Variants in NKAIN2 observed in about 807,000 individuals in gnomAD.
NKAIN2 encodes sodium/potassium-transporting ATPase subunit beta-1-interacting protein 2.
Under a neutral mutation model 32.6 loss-of-function variants are expected in NKAIN2, and 14 were observed. That is an observed-to-expected ratio of 0.43 (90% CI 0.28 to 0.67). NKAIN2 has a LOEUF of 0.67. Ranked by LOEUF, NKAIN2 falls within the 30% of genes least tolerant of loss-of-function variation. The pLI, the probability that NKAIN2 is intolerant of heterozygous loss-of-function variation, is 0.17. For synonymous variants in NKAIN2, 80 were observed against 87.2 expected (o/e 0.92, Z 0.46); for missense variants, 198 against 258.3 (o/e 0.77, Z 1.60).
intron 4 of NKAIN2, among the ~76,000 whole-genome samples, chr6:124,770,945 A>G (rs1778726451): frequency 6.6e-6 from 1 of 152,232 alleles, no homozygotes; most frequent in Admixed American, 6.5e-5. Context: ...AGAAAATTGT[A>G]AAGAAAAGAG....
chr6:124,189,693 T>A (rs1182466915), intron 1 of NKAIN2, among the ~76,000 whole-genome samples: 2 of 151,944 alleles, frequency 1.3e-5, no homozygotes, highest in East Asian at 1.9e-4. Context: ...AAAATAAAAA[T>A]AAAAAATAAA....
At chr6:124,817,036 G>A (rs180781853) in intron 5 of NKAIN2, among the ~76,000 whole-genome samples, 6 of 152,274 alleles carry the variant, frequency 3.9e-5, no homozygotes, top group Admixed American at 3.9e-4. Flanking sequence ...CAGGCACAGA[G>A]GGGATGGCTT....
At chr6:124,039,738 G>A (rs1781780951) in intron 1 of NKAIN2, among the ~76,000 whole-genome samples, 1 of 151,670 alleles carries the variant, frequency 6.6e-6, no homozygotes, top group Admixed American at 6.6e-5. Context: ...TATTTTTATT[G>A]TTTATCTTAG....
At position 124,126,469 on chromosome 6, in the gene NKAIN2, A is replaced by G. The variant is rs373937068; in HGVS notation, c.55-156536A>G. ...TCTAAAACTTTCACAAACTTTCATC[A>G]TCACATTTAAACATCTATCTGCAAC... On this transcript the variant is annotated intron_variant, in intron 1 of 6. Coordinates refer to ENST00000368417, the MANE Select transcript of NKAIN2 (RefSeq NM_001040214.3). 7.0e-4 allele frequency among the ~76,000 whole-genome samples: 106 copies of G among 152,304 alleles called. No individual in the cohort carries two copies. In the East Asian group the frequency reaches 7.5e-3, roughly 11 times the overall value.
At chr6:124,441,930 G>A (rs942963534) in intron 3 of NKAIN2, among the ~76,000 whole-genome samples, 1 of 151,498 alleles carries the variant, frequency 6.6e-6, no homozygotes, top group African/African-American at 2.4e-5. Context: ...AGTTGATGAG[G>A]GCAGTAACTA....
At chr6:124,211,852 A>G (rs766023042) in intron 1 of NKAIN2, among the ~76,000 whole-genome samples, 13 of 152,040 alleles carry the variant, frequency 8.6e-5, no homozygotes, top group Non-Finnish European at 1.6e-4. Flanking sequence ...AAATAGTGCC[A>G]ATTATACAAA....
intron 1 of NKAIN2, among the ~76,000 whole-genome samples, chr6:123,946,535 T>C (rs1777072358): frequency 1.3e-5 from 2 of 152,288 alleles, no homozygotes; most frequent in African/African-American, 4.8e-5. Flanking sequence ...TCAGATGATT[T>C]GCTTTTTAAA....
At chr6:124,124,379 A>G (rs1201263636) in intron 1 of NKAIN2, among the ~76,000 whole-genome samples, 1 of 152,146 alleles carries the variant, frequency 6.6e-6, no homozygotes, top group South Asian at 2.1e-4. Flanking sequence ...CACAGCATTA[A>G]TGGGAAATTG....
chr6:124,118,484 C>A (rs954413585), intron 1 of NKAIN2, among the ~76,000 whole-genome samples: 1 of 151,950 alleles, frequency 6.6e-6, no homozygotes, highest in East Asian at 1.9e-4. Flanking sequence ...ACTAATACCT[C>A]GGGAGAAAAC....
intron 1 of NKAIN2, among the ~76,000 whole-genome samples, chr6:123,976,086 C>A (rs560686274): frequency 4.6e-5 from 7 of 151,164 alleles, no homozygotes; most frequent in African/African-American, 1.7e-4. Context: ...GTCCCACGTG[C>A]CTTTTGCCTT....
At chr6:124,522,914 C>A (rs1393760430) in intron 3 of NKAIN2, among the ~76,000 whole-genome samples, 1 of 151,486 alleles carries the variant, frequency 6.6e-6, no homozygotes, top group Non-Finnish European at 1.5e-5. Flanking sequence ...GAGGCCGAGG[C>A]GGGCGGATCA....
chr6:124,151,704 A>C (rs927566613), intron 1 of NKAIN2, among the ~76,000 whole-genome samples: 2 of 152,028 alleles, frequency 1.3e-5, no homozygotes, highest in Non-Finnish European at 2.9e-5. Flanking sequence ...CTAGTATATC[A>C]CAGTATCACA....
chr6:124,589,355 G>A (rs17052106), intron 3 of NKAIN2, among the ~76,000 whole-genome samples: 25,079 of 151,984 alleles, frequency 0.17, 2,634 homozygotes, highest in African/African-American at 0.29. Flanking sequence ...CTTATTTACC[G>A]TTCTACCCTC....
chr6:124,622,891 A>C (rs1487846788), intron 3 of NKAIN2, among the ~76,000 whole-genome samples: 1 of 152,052 alleles, frequency 6.6e-6, no homozygotes, highest in African/African-American at 2.4e-5. Context: ...TGGAGCCTGG[A>C]GTTCAGGGTT....
chr6:124,706,022 C>A (rs980399987), intron 4 of NKAIN2, among the ~76,000 whole-genome samples: 2 of 152,002 alleles, frequency 1.3e-5, no homozygotes, highest in African/African-American at 2.4e-5. Context: ...AGAAGGTTAT[C>A]ATGACTATGG....
At chr6:123,869,164 CT>C (rs1220094757) in intron 1 of NKAIN2, among the ~76,000 whole-genome samples, 1 of 152,122 alleles carries the variant, frequency 6.6e-6, no homozygotes, top group African/African-American at 2.4e-5. Context: ...ATGAAATTTA[CT>C]TTGAGTAGCT....
At chr6:124,281,087 G>T (rs1262440927) in intron 1 of NKAIN2, among the ~76,000 whole-genome samples, 3 of 151,684 alleles carry the variant, frequency 2.0e-5, no homozygotes, top group Non-Finnish European at 2.9e-5. Flanking sequence ...TTCATAATTG[G>T]TGCATTTATT....
chr6:124,083,371 A>T (rs1311095598), intron 1 of NKAIN2, among the ~76,000 whole-genome samples: 2 of 151,896 alleles, frequency 1.3e-5, no homozygotes, highest in Non-Finnish European at 2.9e-5. Context: ...GACCTTTGTC[A>T]TTGTTATTAT....
chr6:124,728,352 ACTAT>A (rs1776446142), intron 4 of NKAIN2, among the ~76,000 whole-genome samples: 1 of 93,114 alleles, frequency 1.1e-5, no homozygotes, highest in African/African-American at 4.3e-5. Flanking sequence ...ATTATAACAA[ACTAT>A]CTCTCAGACC....
Sources: allele counts gnomAD v4.1 joint callset (sites outside exome capture counted in the v4.1 genomes callset), GRCh38; gene constraint gnomAD v4.1.1; transcripts MANE v1.5; gene names NCBI Gene and HGNC (gene_info 2026-07-23, HGNC 2026-07-21).